Variants in SLC2A1 observed in about 807,000 individuals in gnomAD.
SLC2A1 encodes solute carrier family 2, facilitated glucose transporter member 1.
Under a neutral mutation model 46.6 loss-of-function variants are expected in SLC2A1, and 4 were observed. The observed-to-expected ratio is 0.09, with a 90% CI of 0.04 to 0.20. The LOEUF (loss-of-function observed/expected upper bound fraction) is 0.20. Ranked by LOEUF, SLC2A1 falls within the 10% of genes least tolerant of loss-of-function variation. SLC2A1 has a pLI of 1.00. For synonymous variants in SLC2A1, 253 were observed against 270.0 expected, an observed-to-expected ratio of 0.94 and a Z score of 0.62; for missense variants, 352 against 667.0, an observed-to-expected ratio of 0.53 and a Z score of 5.20.
In SLC2A1 at chr1:42,930,930, G is replaced by A; in HGVS notation, c.276-64C>T. On this transcript the variant is annotated intron_variant, in intron 3 of 9. Coordinates refer to ENST00000426263, the MANE Select transcript of SLC2A1 (RefSeq NM_006516.4). This position sits in a 1 kb window ranked among gnomAD's most constrained non-coding sequence, Gnocchi z 6.2. Reference sequence around the variant, plus strand: ...CCTTGGGCTCCGAGGGGCTGGGTCAGAGGTAATACCCTGGAACAGGCAGAT... The same window carrying A: ...CCTTGGGCTCCGAGGGGCTGGGTCAAAGGTAATACCCTGGAACAGGCAGAT... 1 of 1,605,900 alleles carries A rather than the reference G, an allele frequency of 6.2e-7. No homozygotes were observed. Among genetic ancestry groups the A allele is most frequent in the Non-Finnish European group, 8.5e-7 (1 of 1,179,362 alleles).
chr1:42,945,754 C>A lies in SLC2A1; in HGVS notation c.19-2433G>T, dbSNP rs1770808. On this transcript the variant is annotated intron_variant, in intron 1 of 9. Coordinates refer to ENST00000426263, the MANE Select transcript of SLC2A1 (RefSeq NM_006516.4). ...ACTCTGTCTCAAAAAAAAAAAAAAA[C>A]AAAAAACAAAAAACAAGAATGTACA... Among the ~76,000 whole-genome samples the A allele has an allele frequency of 1.0e-3, 147 of 141,036 alleles. 1 individual carries two copies. The highest frequency in any genetic ancestry group is 8.9e-4 in the Non-Finnish European group (59 of 66,274). The allele number at this position is 141,036 out of a possible 152,430, so 92.5% of individuals were successfully genotyped here.
rs1380116150 is a variant in SLC2A1 at position 42,926,055 on chromosome 1, A to T, written c.*986T>A. The stretch of plus-strand genomic sequence containing the variant: ...GGTACGTGTAAGGGACTGGATCCTG[A>T]GTCGAAGTCTAAGCCGTTGCAGTGG... On this transcript the variant is annotated 3_prime_UTR_variant, in exon 10 of 10. Coordinates refer to ENST00000426263, the MANE Select transcript of SLC2A1 (RefSeq NM_006516.4). 6.6e-6 allele frequency: 1 copy of T among 152,580 alleles called. No individual in the cohort carries two copies. Among genetic ancestry groups the T allele is most frequent in the Non-Finnish European group, 1.5e-5 (1 of 68,050 alleles). The allele number at this position is 152,580 out of a possible 1,614,324, so 9.5% of individuals were successfully genotyped here.
At chr1:42,944,544 C>T (rs1204822544) in intron 1 of SLC2A1, among the ~76,000 whole-genome samples, 1 of 152,154 alleles carries the variant, frequency 6.6e-6, no homozygotes, top group Non-Finnish European at 1.5e-5. Context: ...CAGAAGCAGC[C>T]TTTACTTCAA....
Position 42,958,773 on chromosome 1 carries a change from C to T in SLC2A1, c.-122G>A. On this transcript the variant is annotated 5_prime_UTR_variant, in exon 1 of 10. Coordinates refer to ENST00000426263, the MANE Select transcript of SLC2A1 (RefSeq NM_006516.4). ...GGGACTCCCACTGCGACTCTGACTCCGACCCCCGTCGTTTGGTCTCCTGCT... is the reference window on the plus strand; with the variant it reads ...GGGACTCCCACTGCGACTCTGACTCTGACCCCCGTCGTTTGGTCTCCTGCT... 1 of 1,046,962 alleles carries T rather than the reference C, an allele frequency of 9.6e-7. No homozygotes were observed. The highest frequency in any genetic ancestry group is 1.4e-6 in the Non-Finnish European group (1 of 718,788). The allele number at this position is 1,046,962 out of a possible 1,614,324, so 64.9% of individuals were successfully genotyped here.
intron 2 of SLC2A1, among the ~76,000 whole-genome samples, chr1:42,932,856 C>T (rs1335495375): frequency 2.0e-5 from 3 of 152,200 alleles, no homozygotes; most frequent in Non-Finnish European, 4.4e-5. Flanking sequence ...TGTCCCAAGT[C>T]AGCAGGCATC....
chr1:42,957,935 C>A (rs1382266676), intron 1 of SLC2A1, among the ~76,000 whole-genome samples: 1 of 152,180 alleles, frequency 6.6e-6, no homozygotes, highest in African/African-American at 2.4e-5. Flanking sequence ...CGAGACTGGG[C>A]CAAAGCTTTG....
chr1:42,957,562 C>T (rs1643789209), intron 1 of SLC2A1, among the ~76,000 whole-genome samples: 2 of 152,058 alleles, frequency 1.3e-5, no homozygotes, highest in African/African-American at 4.8e-5. Flanking sequence ...TAAAGAGGGA[C>T]CGTTTCAAAA....
intron 1 of SLC2A1, among the ~76,000 whole-genome samples, chr1:42,948,894 T>C (rs111234909): frequency 0.087 from 13,216 of 151,738 alleles, 734 homozygotes; most frequent in Admixed American, 0.17. Flanking sequence ...GAAACCCCGT[T>C]TCTACTAAAA....
At chr1:42,934,369 A>T (rs1201552486) in intron 2 of SLC2A1, among the ~76,000 whole-genome samples, 1 of 152,212 alleles carries the variant, frequency 6.6e-6, no homozygotes, top group Admixed American at 6.5e-5. Context: ...CCACAGCAGC[A>T]CTTCCTGGCC....
Position 42,951,023 on chromosome 1 carries a change from G to A in SLC2A1, c.18+7611C>T, listed in dbSNP as rs545992426. Among the ~76,000 whole-genome samples, 9 of 152,290 alleles carry A rather than the reference G, an allele frequency of 5.9e-5. No homozygotes were observed. The South Asian group carries it at 1.9e-3, about 32-fold the overall frequency. ...GCTTCAGTTAATTCTCCATAAGAGA[G>A]GATCTTCTATGAATAAATGATATTG... On this transcript the variant is annotated intron_variant, in intron 1 of 9. Transcript: ENST00000426263.
chr1:42,930,789 G>A lies in SLC2A1; in HGVS notation c.353C>T (p.Ser118Phe). 1.2e-6 allele frequency: 2 copies of A among 1,602,766 alleles called. No homozygotes were observed. Among genetic ancestry groups the A allele is most frequent in the Non-Finnish European group, 1.7e-6 (2 of 1,179,948 alleles). Residue 118 changes from serine (S) to phenylalanine (F), a missense_variant, in exon 4 of 10, where the codon TCC becomes TTC. Coordinates refer to ENST00000426263, the MANE Select transcript of SLC2A1 (RefSeq NM_006516.4). This position sits in a 1 kb window ranked among gnomAD's most constrained non-coding sequence, Gnocchi z 6.2. Reference protein sequence around the residue: ...VLMGFSKLGKSFEMLILGRFI... With the variant: ...VLMGFSKLGKFFEMLILGRFI... ...GCGGCCCAGGATCAGCATCTCAAAG[G>A]ACTTGCCCAGTTTCGAGAAGCCCAT...
chr1:42,938,467 C>G (rs1400230718), intron 2 of SLC2A1, among the ~76,000 whole-genome samples: 1 of 152,156 alleles, frequency 6.6e-6, no homozygotes, highest in East Asian at 1.9e-4. Flanking sequence ...TGGGGTGGTG[C>G]TTTGTAAACA....
chr1:42,949,338 G>A (rs531880015), intron 1 of SLC2A1, among the ~76,000 whole-genome samples: 1 of 152,314 alleles, frequency 6.6e-6, no homozygotes, highest in South Asian at 2.1e-4. Flanking sequence ...CTTGACAGGA[G>A]GCACCTGAGG....
Position 42,927,590 on chromosome 1 carries a change from A to AGTGG in SLC2A1, c.1278+11_1278+14dup. On this transcript the variant is annotated intron_variant, in intron 9 of 9. Coordinates refer to ENST00000426263, the MANE Select transcript of SLC2A1 (RefSeq NM_006516.4). This position sits in a 1 kb window ranked among gnomAD's most constrained non-coding sequence, Gnocchi z 5.3. ...CATGCGTGCGGGTGAGTATAGAGACAGTGGGGGTTCTCACCTCCACATACT... is the reference window on the plus strand; with the variant it reads ...CATGCGTGCGGGTGAGTATAGAGACAGTGGGTGGGGGTTCTCACCTCCACATACT... 1 of 1,355,412 alleles carries AGTGG rather than the reference A, an allele frequency of 7.4e-7. No homozygotes were observed. The highest frequency in any genetic ancestry group is 1.0e-6 in the Non-Finnish European group (1 of 982,394). 84.0% of individuals were successfully genotyped at this position (1,355,412 alleles called of 1,614,324 possible).
intron 2 of SLC2A1, among the ~76,000 whole-genome samples, chr1:42,941,285 C>T (rs1265388026): frequency 1.3e-5 from 2 of 152,168 alleles, no homozygotes; most frequent in African/African-American, 4.8e-5. Flanking sequence ...GCCCATCCGC[C>T]CCTTCTGACT....
At chr1:42,935,658 A>G (rs1036890918) in intron 2 of SLC2A1, among the ~76,000 whole-genome samples, 1 of 152,222 alleles carries the variant, frequency 6.6e-6, no homozygotes, top group Non-Finnish European at 1.5e-5. Flanking sequence ...GAATAAAGCT[A>G]GTCTCCAGAC....
chr1:42,948,364 G>A (rs1367576363), intron 1 of SLC2A1, among the ~76,000 whole-genome samples: 1 of 152,196 alleles, frequency 6.6e-6, no homozygotes, highest in East Asian at 1.9e-4. Context: ...GGAAGGGCAC[G>A]TGGCTACTGC....
chr1:42,957,637 C>T (rs1338088448), intron 1 of SLC2A1, among the ~76,000 whole-genome samples: 1 of 152,202 alleles, frequency 6.6e-6, no homozygotes, highest in Non-Finnish European at 1.5e-5. Context: ...AAACAATGCC[C>T]TACACACAGG....
chr1:42,929,417 G>A lies in SLC2A1; in HGVS notation c.868-103C>T. 1.8e-6 allele frequency: 2 copies of A among 1,135,092 alleles called. No homozygotes were observed. The highest frequency in any genetic ancestry group is 2.6e-6 in the Non-Finnish European group (2 of 763,568). 70.3% of individuals were successfully genotyped at this position (1,135,092 alleles called of 1,614,324 possible). Reference sequence around the variant, plus strand: ...CCCAGGATGAGTAAAGAATGAAGGGGACAAATACTCAGGCAGAAGGGACAC... The same window carrying A: ...CCCAGGATGAGTAAAGAATGAAGGGAACAAATACTCAGGCAGAAGGGACAC... On this transcript the variant is annotated intron_variant, in intron 6 of 9. Transcript: ENST00000426263. The surrounding 1 kb of genome is among the most constrained non-coding windows in gnomAD (Gnocchi z 6.0).
Sources: gnomAD v4.1 joint callset for allele counts (sites outside exome capture counted in the v4.1 genomes callset) on GRCh38, gnomAD v4.1.1 for gene constraint, Gnocchi (gnomAD v3.1) non-coding constraint, MANE v1.5 for transcripts, NCBI Gene and HGNC (gene_info 2026-07-23, HGNC 2026-07-21) for gene names.